The following ZNF385D variants were observed in gnomAD, a reference collection of about 807,000 sequenced individuals.
The protein encoded by ZNF385D is zinc finger protein 385D.
ZNF385D carries 15 observed loss-of-function variants against 35.8 expected under a neutral mutation model. The observed-to-expected ratio is 0.42, with a 90% confidence interval of 0.28 to 0.64. The LOEUF is 0.64. ZNF385D is among the 30% of genes least tolerant of loss of function. The pLI is 0.23. For missense variants in ZNF385D, 474 were observed against 494.6 expected, an observed-to-expected ratio of 0.96 and a Z score of 0.39; for synonymous variants, 212 against 186.8, an observed-to-expected ratio of 1.13 and a Z score of -1.10.
At chr3:21,744,864 AT>A (rs201541469) in intron 1 of ZNF385D, among the ~76,000 whole-genome samples, 27,965 of 151,594 alleles carry the variant, frequency 0.18, 3,371 homozygotes, top group Non-Finnish European at 0.27. Flanking sequence ...AATAAAAAAA[AT>A]AATAATAAAA....
chr3:21,629,462 C>G (rs2065221409), intron 2 of ZNF385D, among the ~76,000 whole-genome samples: 1 of 152,130 alleles, frequency 6.6e-6, no homozygotes, highest in South Asian at 2.1e-4. Flanking sequence ...TTTTATGTTT[C>G]CTTGTTCACT....
intron 2 of ZNF385D, among the ~76,000 whole-genome samples, chr3:21,660,796 T>G (rs769043238): frequency 4.5e-4 from 68 of 152,206 alleles, no homozygotes; most frequent in Non-Finnish European, 8.7e-4. Flanking sequence ...AATTGTTTGT[T>G]TAGTTATTTT....
intron 2 of ZNF385D, among the ~76,000 whole-genome samples, chr3:22,224,806 C>T (rs1273792353): frequency 6.6e-6 from 1 of 152,140 alleles, no homozygotes; most frequent in Non-Finnish European, 1.5e-5. Flanking sequence ...TTCTGGGCAC[C>T]CACTGCTCCC....
intron 1 of ZNF385D, among the ~76,000 whole-genome samples, chr3:21,724,545 T>G (rs1297899569): frequency 1.1e-5 from 1 of 92,286 alleles, no homozygotes; most frequent in Non-Finnish European, 2.2e-5. Context: ...TAATGTCTGA[T>G]CAAACAGACT....
chr3:22,247,520 C>A (rs376981828), intron 2 of ZNF385D, among the ~76,000 whole-genome samples: 1 of 151,896 alleles, frequency 6.6e-6, no homozygotes, highest in Non-Finnish European at 1.5e-5. Flanking sequence ...GAGAACCATA[C>A]GGTATAATTT....
intron 2 of ZNF385D, among the ~76,000 whole-genome samples, chr3:22,364,072 A>G (rs981415630): frequency 6.6e-6 from 1 of 152,090 alleles, no homozygotes; most frequent in Admixed American, 6.6e-5. Context: ...TTCACATTCT[A>G]GTCTGTAATT....
chr3:21,725,475 A>G (rs896417050), intron 1 of ZNF385D, among the ~76,000 whole-genome samples: 1 of 152,190 alleles, frequency 6.6e-6, no homozygotes, highest in Non-Finnish European at 1.5e-5. Context: ...AATCAAATAG[A>G]TGCAATAAAA....
chr3:21,730,200 T>C (rs895837634), intron 1 of ZNF385D, among the ~76,000 whole-genome samples: 17 of 152,052 alleles, frequency 1.1e-4, no homozygotes, highest in African/African-American at 4.1e-4. Flanking sequence ...GAGCATAGGA[T>C]CAAAATCATT....
At chr3:22,235,746 C>T (rs1325120190) in intron 2 of ZNF385D, among the ~76,000 whole-genome samples, 1 of 152,034 alleles carries the variant, frequency 6.6e-6, no homozygotes, top group Non-Finnish European at 1.5e-5. Flanking sequence ...GATTAATATG[C>T]TTAATAATAC....
intron 1 of ZNF385D, among the ~76,000 whole-genome samples, chr3:21,668,498 A>G (rs1158394537): frequency 6.6e-6 from 1 of 152,212 alleles, no homozygotes; most frequent in African/African-American, 2.4e-5. Context: ...GCTCACTTTC[A>G]GAATAACTTG....
intron 3 of ZNF385D, among the ~76,000 whole-genome samples, chr3:21,764,500 G>C (rs2070747091): frequency 6.6e-6 from 1 of 152,158 alleles, no homozygotes; most frequent in Non-Finnish European, 1.5e-5. Flanking sequence ...ACAAGCCACA[G>C]TTTTCCTTGC....
intron 3 of ZNF385D, among the ~76,000 whole-genome samples, chr3:22,045,409 C>A (rs1306758428): frequency 6.6e-6 from 1 of 152,190 alleles, no homozygotes; most frequent in African/African-American, 2.4e-5. Flanking sequence ...AGATGATATC[C>A]AGAACTGAAG....
At chr3:22,103,056 G>C (rs1464860373) in intron 3 of ZNF385D, among the ~76,000 whole-genome samples, 2 of 151,322 alleles carry the variant, frequency 1.3e-5, no homozygotes, top group African/African-American at 4.8e-5. Context: ...CTAAAGTCAA[G>C]ACTGATTTTC....
At chr3:22,182,820 T>C (rs1030504745) in intron 2 of ZNF385D, among the ~76,000 whole-genome samples, 1 of 152,080 alleles carries the variant, frequency 6.6e-6, no homozygotes, top group Non-Finnish European at 1.5e-5. Flanking sequence ...AAATTTAAGA[T>C]AAAAAATAAT....
intron 3 of ZNF385D, among the ~76,000 whole-genome samples, chr3:21,839,050 ATAAT>A (rs1277930818): frequency 4.6e-5 from 7 of 152,204 alleles, no homozygotes; most frequent in African/African-American, 1.7e-4. Flanking sequence ...ATTTTTAATA[ATAAT>A]TAAAGGTTAT....
At chr3:21,872,726 A>G (rs1454842684) in intron 3 of ZNF385D, among the ~76,000 whole-genome samples, 1 of 152,124 alleles carries the variant, frequency 6.6e-6, no homozygotes, top group African/African-American at 2.4e-5. Context: ...TAAACTTCTG[A>G]AGGGATAAAA....
intron 3 of ZNF385D, among the ~76,000 whole-genome samples, chr3:21,888,536 G>C (rs1316911910): frequency 2.0e-5 from 3 of 152,116 alleles, no homozygotes; most frequent in Non-Finnish European, 4.4e-5. Context: ...GAACAACCGA[G>C]AGTTTATTAG....
intron 3 of ZNF385D, among the ~76,000 whole-genome samples, chr3:21,999,713 A>G (rs1695715063): frequency 6.6e-6 from 1 of 151,914 alleles, no homozygotes; most frequent in South Asian, 2.1e-4. Flanking sequence ...AATAGACTAG[A>G]TTAAGCAGAA....
At chr3:21,821,677 A>T (rs1486636238) in intron 3 of ZNF385D, among the ~76,000 whole-genome samples, 1 of 152,198 alleles carries the variant, frequency 6.6e-6, no homozygotes, top group East Asian at 1.9e-4. Context: ...AAAACTAAAA[A>T]GTTGGCTAGG....
Sources: allele counts gnomAD v4.1 joint callset (sites outside exome capture counted in the v4.1 genomes callset), GRCh38; gene constraint gnomAD v4.1.1; transcripts MANE v1.5; gene names NCBI Gene and HGNC (gene_info 2026-07-23, HGNC 2026-07-21).